Variants in KIF26B observed in about 807,000 individuals in gnomAD.
KIF26B encodes the protein kinesin family member 26B.
Under a neutral mutation model 151.2 loss-of-function variants are expected in KIF26B, and 63 were observed. That is an observed-to-expected ratio of 0.42 (90% CI 0.34 to 0.51). The LOEUF is 0.51. KIF26B is among the 20% of genes least tolerant of loss of function. KIF26B has a pLI of 0.07. For missense variants in KIF26B, 2,813 were observed against 2,913.6 expected (o/e 0.97, Z 0.79); for synonymous variants, 1,357 against 1,262.1 (o/e 1.08, Z -1.59).
At chr1:245,608,936 T>C (rs1349813033) in intron 7 of KIF26B, among the ~76,000 whole-genome samples, 2 of 152,032 alleles carry the variant, frequency 1.3e-5, no homozygotes, top group Admixed American at 6.5e-5. Flanking sequence ...AAATTTTTCA[T>C]AGAGGCAGGG....
intron 2 of KIF26B, among the ~76,000 whole-genome samples, chr1:245,176,338 G>T (rs1668809202): frequency 6.6e-6 from 1 of 152,142 alleles, no homozygotes; most frequent in Non-Finnish European, 1.5e-5. Flanking sequence ...TATTTGTTTA[G>T]GGAAAAGTAG....
rs1670216133 is a variant in KIF26B, at chr1:245,241,888, G to A, written c.465+85205G>A. 6.6e-6 allele frequency among the ~76,000 whole-genome samples: 1 copy of A among 152,134 alleles called. No homozygotes were observed. Among genetic ancestry groups the A allele is most frequent in the Admixed American group, 6.5e-5 (1 of 15,278 alleles). On this transcript the variant is annotated intron_variant, in intron 2 of 14. Transcript: ENST00000407071. The surrounding 1 kb of genome is among the most constrained non-coding windows in gnomAD (Gnocchi z 5.0). ...TCCCCATTTCTCAGGTGGCCTTCAA[G>A]GCTCATTCCTGACTCACCCAGCCTC...
intron 2 of KIF26B, among the ~76,000 whole-genome samples, chr1:245,274,559 G>C (rs1365290608): frequency 6.6e-6 from 1 of 150,482 alleles, no homozygotes; most frequent in Non-Finnish European, 1.5e-5. Context: ...TGACATGAAT[G>C]CACCTTTTTT....
intron 2 of KIF26B, among the ~76,000 whole-genome samples, chr1:245,192,225 G>A (rs1669121991): frequency 6.6e-6 from 1 of 151,358 alleles, no homozygotes; most frequent in African/African-American, 2.4e-5. Context: ...AATAACATTT[G>A]TAAAATGTTT....
chr1:245,549,884 G>A (rs1443430570), intron 5 of KIF26B, among the ~76,000 whole-genome samples: 5 of 151,954 alleles, frequency 3.3e-5, no homozygotes, highest in African/African-American at 9.7e-5. Context: ...AGATTCAAGC[G>A]ATTCTCCTGC....
At chr1:245,520,584 CCA>C (rs1235783604) in intron 4 of KIF26B, among the ~76,000 whole-genome samples, 1 of 78,706 alleles carries the variant, frequency 1.3e-5, no homozygotes, top group African/African-American at 3.4e-5. Context: ...ATCCATCCAT[CCA>C]TCCATCCATC....
chr1:245,198,866 C>T (rs1336985995), intron 2 of KIF26B, among the ~76,000 whole-genome samples: 4 of 91,024 alleles, frequency 4.4e-5, no homozygotes, highest in African/African-American at 8.4e-5. Flanking sequence ...GAGAGTGTAA[C>T]GGGGGTTCTA....
intron 4 of KIF26B, among the ~76,000 whole-genome samples, chr1:245,470,094 A>G (rs1416136364): frequency 3.3e-5 from 5 of 152,162 alleles, no homozygotes; most frequent in African/African-American, 1.2e-4. Context: ...GTTCCGAGCC[A>G]CACACACTGA....
Position 245,367,819 on chromosome 1 carries a change from A to AAAT in KIF26B, c.999+453_999+455dup, listed in dbSNP as rs1299596799. Among the ~76,000 whole-genome samples, 1 of 152,242 alleles carries AAAT rather than the reference A, an allele frequency of 6.6e-6. No individual in the cohort carries two copies. The highest frequency in any genetic ancestry group is 1.5e-5 in the Non-Finnish European group (1 of 68,030). On this transcript the variant is annotated intron_variant, in intron 3 of 14. Coordinates refer to ENST00000407071, the MANE Select transcript of KIF26B (RefSeq NM_018012.4). The surrounding 1 kb of genome is among the most constrained non-coding windows in gnomAD (Gnocchi z 4.2). The stretch of plus-strand genomic sequence containing the variant: ...TCTTAGGCTCAAGTCCCTCATTTAT[A>AAAT]AATGGATGTGAGTCACGAGAATTAA...
chr1:245,245,016 C>T (rs1456998630), intron 2 of KIF26B, among the ~76,000 whole-genome samples: 1 of 152,008 alleles, frequency 6.6e-6, no homozygotes, highest in Non-Finnish European at 1.5e-5. Context: ...TCCTGAGGTT[C>T]GTTGTTTCTT....
intron 2 of KIF26B, among the ~76,000 whole-genome samples, chr1:245,361,841 CCAAT>C (rs1179090784): frequency 6.6e-6 from 1 of 152,136 alleles, no homozygotes; most frequent in African/African-American, 2.4e-5. Flanking sequence ...GTCCTCTTTG[CCAAT>C]CAGAGTGAGC....
intron 3 of KIF26B, among the ~76,000 whole-genome samples, chr1:245,368,900 C>T (rs1056938743): frequency 3.3e-5 from 5 of 151,930 alleles, no homozygotes; most frequent in South Asian, 2.1e-4. Context: ...TGTGGGAGGC[C>T]GAGGTGGGTG....
intron 2 of KIF26B, among the ~76,000 whole-genome samples, chr1:245,219,028 A>G (rs770938945): frequency 7.3e-5 from 11 of 151,382 alleles, no homozygotes; most frequent in Non-Finnish European, 1.6e-4. Flanking sequence ...TCCTCTCCCA[A>G]GAGTCAAGAG....
At chr1:245,201,758 TG>T (rs1376842539) in intron 2 of KIF26B, among the ~76,000 whole-genome samples, 1 of 152,078 alleles carries the variant, frequency 6.6e-6, no homozygotes, top group African/African-American at 2.4e-5. Flanking sequence ...TTAGGAGGCG[TG>T]GGGGCGGGGG....
chr1:245,237,669 T>TTTA (rs1207667876), intron 2 of KIF26B, among the ~76,000 whole-genome samples: 1 of 152,168 alleles, frequency 6.6e-6, no homozygotes, highest in South Asian at 2.1e-4. Flanking sequence ...CAACACTGTC[T>TTTA]TTTGTACAGA....
At chr1:245,449,054 A>T (rs1659317031) in intron 4 of KIF26B, among the ~76,000 whole-genome samples, 1 of 152,240 alleles carries the variant, frequency 6.6e-6, no homozygotes, top group Non-Finnish European at 1.5e-5. Context: ...GTACTTGAGG[A>T]TTTATTCTGT....
At chr1:245,425,409 T>C (rs930339659) in intron 4 of KIF26B, among the ~76,000 whole-genome samples, 3 of 152,220 alleles carry the variant, frequency 2.0e-5, no homozygotes, top group African/African-American at 7.2e-5. Flanking sequence ...TCATGGGTTT[T>C]GTTTTTGTTT....
rs116221016 is a variant in KIF26B, at chr1:245,489,023, T to A, written c.1167-51744T>A. On this transcript the variant is annotated intron_variant, in intron 4 of 14. Transcript: ENST00000407071. ...TCCGGTACTCTAGAATCCCTTACAG[T>A]GGATTTGCATGGACAGGAAAGCGAA... is the stretch of plus-strand genomic sequence containing the variant. 2.4e-3 allele frequency among the ~76,000 whole-genome samples: 359 copies of A among 152,296 alleles called. 3 individuals carry two copies. Among genetic ancestry groups the A allele is most frequent in the African/African-American group, 7.9e-3 (327 of 41,554 alleles).
chr1:245,387,938 T>C (rs937029329), intron 3 of KIF26B, among the ~76,000 whole-genome samples: 2 of 152,208 alleles, frequency 1.3e-5, no homozygotes, highest in Non-Finnish European at 2.9e-5. Flanking sequence ...TGGGCTGCGT[T>C]TACTAACTTT....
Sources: gnomAD v4.1 joint callset for allele counts (sites outside exome capture counted in the v4.1 genomes callset) on GRCh38, gnomAD v4.1.1 for gene constraint, Gnocchi (gnomAD v3.1) non-coding constraint, MANE v1.5 for transcripts, NCBI Gene and HGNC (gene_info 2026-07-23, HGNC 2026-07-21) for gene names.